The following SLC35B3 variants were observed in gnomAD, a reference collection of about 807,000 sequenced individuals.
SLC35B3 encodes the protein adenosine 3'-phospho 5'-phosphosulfate transporter 2.
SLC35B3 carries 35 observed loss-of-function variants against 44.1 expected under a neutral mutation model. The observed-to-expected ratio is 0.79, with a 90% CI of 0.61 to 1.05. The LOEUF is 1.05. SLC35B3 is among the 50% of genes least tolerant of loss of function. The pLI is 0.00. For synonymous variants in SLC35B3, 146 were observed against 167.3 expected (o/e 0.87, Z 0.98); for missense variants, 414 against 476.4 (o/e 0.87, Z 1.22).
Position 8,428,033 on chromosome 6 carries a change from A to G in SLC35B3, c.323T>C (p.Phe108Ser), listed in dbSNP as rs138204292. Residue 108 changes from phenylalanine (F) to serine (S), a missense_variant, in exon 4 of 11, where the codon TTT becomes TCT. Phe to Ser is a radical substitution (Grantham distance 155). Coordinates refer to ENST00000644923, the MANE Select transcript of SLC35B3 (RefSeq NM_001370476.2). Reference sequence around the variant, plus strand: ...GGTAAGGTACCAGCCACAGGACTTAAAACCCTCCACTGAAAATATTAATTC... The same window carrying G: ...GGTAAGGTACCAGCCACAGGACTTAGAACCCTCCACTGAAAATATTAATTC... The G allele has an allele frequency of 1.8e-4, 283 of 1,599,146 alleles. No homozygotes were observed. The highest frequency in any genetic ancestry group is 2.3e-4 in the Non-Finnish European group (267 of 1,172,694).
Position 8,435,443 on chromosome 6 carries a change from T to TC in SLC35B3, c.-145dup. ...CCCCTGGTCCGTCGCCATCACCTCC[T>TC]CTTCCTCCTCCTCCTCGCCCACTCC... is the stretch of plus-strand genomic sequence containing the variant. On this transcript the variant is annotated 5_prime_UTR_variant, in exon 1 of 11. Transcript: ENST00000644923. The surrounding 1 kb of genome is among the most constrained non-coding windows in gnomAD (Gnocchi z 5.5). The TC allele has an allele frequency of 1.6e-6, 2 of 1,232,184 alleles. No individual in the cohort carries two copies. The highest frequency in any genetic ancestry group is 3.1e-5 in the African/African-American group (2 of 64,770). 76.3% of individuals were successfully genotyped at this position (1,232,184 alleles called of 1,614,324 possible).
chr6:8,424,919 CAA>C lies in SLC35B3; in HGVS notation c.420-2297_420-2296del, dbSNP rs1475802084. Among the ~76,000 whole-genome samples, 5 of 152,074 alleles carry C rather than the reference CAA, an allele frequency of 3.3e-5. No individual in the cohort carries two copies. The East Asian group carries it at 9.6e-4, about 29-fold the overall frequency. On this transcript the variant is annotated intron_variant, in intron 4 of 10. Transcript: ENST00000644923. ...GGGAAGAAGAAAAAAATAACAACAG[CAA>C]AGAGTTTAGCTAATTAAAGGTCTAA...
At chr6:8,421,435 T>C (rs1374566128) in intron 5 of SLC35B3, among the ~76,000 whole-genome samples, 1 of 152,218 alleles carries the variant, frequency 6.6e-6, no homozygotes, top group African/African-American at 2.4e-5. Context: ...TATTTTTTCC[T>C]ATATGAAGTT....
At chr6:8,429,711 TAAGAAG>T (rs1763774810) in intron 3 of SLC35B3, 147 bp downstream of exon 2, 13 of 552,094 alleles carry the variant, frequency 2.4e-5, no homozygotes, top group South Asian at 3.1e-5. Flanking sequence ...TTTGATCTGT[TAAGAAG>T]CTCTTTTCTA....
Position 8,420,699 on chromosome 6 carries a change from G to A in SLC35B3, c.682+22C>T. On this transcript the variant is annotated intron_variant, in intron 6 of 10. Transcript: ENST00000644923. This position sits in a 1 kb window ranked among gnomAD's most constrained non-coding sequence, Gnocchi z 4.4. Reference sequence around the variant, plus strand: ...TAAACTAAAAAGCCTATAAAAGCTAGGAATATAAATAAATTACTTACCCGT... The same window carrying A: ...TAAACTAAAAAGCCTATAAAAGCTAAGAATATAAATAAATTACTTACCCGT... The A allele has an allele frequency of 6.4e-7, 1 of 1,556,550 alleles. No homozygotes were observed. Among genetic ancestry groups the A allele is most frequent in the Non-Finnish European group, 8.8e-7 (1 of 1,134,644 alleles).
chr6:8,425,556 A>C (rs1306758799), intron 4 of SLC35B3, among the ~76,000 whole-genome samples: 1 of 152,144 alleles, frequency 6.6e-6, no homozygotes, highest in African/African-American at 2.4e-5. Context: ...TAATTGCTAC[A>C]ATAATTTATT....
At chr6:8,430,814 C>G (rs917678032) in intron 2 of SLC35B3, among the ~76,000 whole-genome samples, 1 of 152,118 alleles carries the variant, frequency 6.6e-6, no homozygotes, top group African/African-American at 2.4e-5. Context: ...AGGATGATCA[C>G]TTGAGTCCAG....
Position 8,420,469 on chromosome 6 carries a change from A to G in SLC35B3, c.682+252T>C, listed in dbSNP as rs533438358. On this transcript the variant is annotated intron_variant, in intron 6 of 10. Coordinates refer to ENST00000644923, the MANE Select transcript of SLC35B3 (RefSeq NM_001370476.2). This position sits in a 1 kb window ranked among gnomAD's most constrained non-coding sequence, Gnocchi z 4.4. ...TAATTATAATAAAGGTACAACTGAC[A>G]TAAACAAATCTGAGTCAACACTTCA... 3.7e-4 allele frequency among the ~76,000 whole-genome samples: 56 copies of G among 152,238 alleles called. No individual in the cohort carries two copies. The highest frequency in any genetic ancestry group is 7.5e-4 in the Non-Finnish European group (51 of 68,030).
At chr6:8,429,580 T>C (rs1027773654) in intron 3 of SLC35B3, among the ~76,000 whole-genome samples, 3 of 152,176 alleles carry the variant, frequency 2.0e-5, no homozygotes, top group Non-Finnish European at 2.9e-5. Context: ...ACGTGAATCA[T>C]TGCTTTCTCT....
At chr6:8,425,819 G>A (rs1053924285) in intron 4 of SLC35B3, among the ~76,000 whole-genome samples, 1 of 152,200 alleles carries the variant, frequency 6.6e-6, no homozygotes, top group African/African-American at 2.4e-5. Flanking sequence ...GGGTACGACA[G>A]AAGGAGCACG....
chr6:8,411,958 A>C lies in SLC35B3; in HGVS notation c.*1591T>G, dbSNP rs1237929658. On this transcript the variant is annotated 3_prime_UTR_variant, in exon 11 of 11. Coordinates refer to ENST00000644923, the MANE Select transcript of SLC35B3 (RefSeq NM_001370476.2). ...AATTTAGACTCAAAACTATGCATGCAACATTCCTATGGTCTGAATGTTTGT... is the reference window on the plus strand; with the variant it reads ...AATTTAGACTCAAAACTATGCATGCCACATTCCTATGGTCTGAATGTTTGT... 6.6e-6 allele frequency among the ~76,000 whole-genome samples: 1 copy of C among 152,202 alleles called. No homozygotes were observed. The highest frequency in any genetic ancestry group is 1.5e-5 in the Non-Finnish European group (1 of 68,026).
chr6:8,429,299 C>G (rs373265774), intron 3 of SLC35B3, among the ~76,000 whole-genome samples: 4 of 152,114 alleles, frequency 2.6e-5, no homozygotes, highest in African/African-American at 9.6e-5. Flanking sequence ...AAATATAAGA[C>G]AAATTGTTGC....
At position 8,413,151 on chromosome 6, in the gene SLC35B3, G is replaced by C. The variant is rs138022408; in HGVS notation, c.*398C>G. ...AACTCATCAGTTTACTCTTATAACA[G>C]AGAATCAATTTAAATAACACCATCA... On this transcript the variant is annotated 3_prime_UTR_variant, in exon 11 of 11. Coordinates refer to ENST00000644923, the MANE Select transcript of SLC35B3 (RefSeq NM_001370476.2). 5.3e-3 allele frequency: 844 copies of C among 157,786 alleles called. 6 individuals carry two copies. The highest frequency in any genetic ancestry group is 0.019 in the African/African-American group (803 of 41,580). 9.8% of individuals were successfully genotyped at this position (157,786 alleles called of 1,614,324 possible).
rs1466158581 is a variant in SLC35B3, at chr6:8,433,273, T to A, written c.3+1112A>T. ...AGTCTGATCATGCTGCATCCATGAA[T>A]AAGGCCTCGAAGTTAAAAACGAGTT... On this transcript the variant is annotated intron_variant, in intron 2 of 10. Transcript: ENST00000644923. The surrounding 1 kb of genome is among the most constrained non-coding windows in gnomAD (Gnocchi z 4.1). 6.6e-6 allele frequency among the ~76,000 whole-genome samples: 1 copy of A among 152,192 alleles called. No individual in the cohort carries two copies. The highest frequency in any genetic ancestry group is 2.4e-5 in the African/African-American group (1 of 41,452).
intron 2 of SLC35B3, among the ~76,000 whole-genome samples, chr6:8,431,660 CTT>C (rs1764001159): frequency 6.6e-6 from 1 of 152,162 alleles, no homozygotes; most frequent in South Asian, 2.1e-4. Context: ...ATTTGTAAGA[CTT>C]TTTATGTAAT....
chr6:8,413,895 A>T (rs914717213), intron 10 of SLC35B3, among the ~76,000 whole-genome samples, 196 bp from the exon 10 acceptor site: 5 of 152,306 alleles, frequency 3.3e-5, no homozygotes, highest in African/African-American at 1.2e-4. Context: ...TTAATAATGC[A>T]TTGAGTAGAT....
rs1762761843 is a variant in SLC35B3, at chr6:8,420,069, A to C, written c.683-392T>G. On this transcript the variant is annotated intron_variant, in intron 6 of 10. Transcript: ENST00000644923. The surrounding 1 kb of genome is among the most constrained non-coding windows in gnomAD (Gnocchi z 4.4). Reference sequence around the variant, plus strand: ...AAAAAAAAAAAAACAGATGAAGAGAAAAGTCATTTTTGAAAAACCCTATTA... The same window carrying C: ...AAAAAAAAAAAAACAGATGAAGAGACAAGTCATTTTTGAAAAACCCTATTA... Among the ~76,000 whole-genome samples, 1 of 151,880 alleles carries C rather than the reference A, an allele frequency of 6.6e-6. No individual in the cohort carries two copies. Among genetic ancestry groups the C allele is most frequent in the African/African-American group, 2.4e-5 (1 of 41,408 alleles).
chr6:8,415,060 C>T lies in SLC35B3; in HGVS notation c.986-83G>A, dbSNP rs879117157. 6.7e-5 allele frequency: 60 copies of T among 900,968 alleles called. No individual in the cohort carries two copies. The East Asian group carries it at 1.0e-3, about 15-fold the overall frequency. 55.8% of individuals were successfully genotyped at this position (900,968 alleles called of 1,614,324 possible). ...ATCACTTATTCAGCAAATATTTAGA[C>T]CTGACTATATGCCAGAATCTGTTGA... On this transcript the variant is annotated intron_variant, in intron 9 of 10. Transcript: ENST00000644923.
intron 4 of SLC35B3, among the ~76,000 whole-genome samples, chr6:8,423,912 G>A (rs1490983352): frequency 6.6e-6 from 1 of 152,168 alleles, no homozygotes; most frequent in African/African-American, 2.4e-5. Context: ...ATCAGTGATG[G>A]TGGAGCACCA....
Sources: gnomAD v4.1 joint callset for allele counts (sites outside exome capture counted in the v4.1 genomes callset) on GRCh38, gnomAD v4.1.1 for gene constraint, Gnocchi (gnomAD v3.1) non-coding constraint, MANE v1.5 for transcripts, NCBI Gene and HGNC (gene_info 2026-07-23, HGNC 2026-07-21) for gene names.